The following KCNH8 variants were observed in gnomAD, a reference collection of about 807,000 sequenced individuals.
KCNH8 encodes the protein potassium voltage-gated channel subfamily H member 8, also known as voltage-gated delayed rectifier potassium channel KCNH8.
Under a neutral mutation model 103.6 loss-of-function variants are expected in KCNH8, and 70 were observed. The ratio of observed to expected loss-of-function variants is 0.68; its 90% CI spans 0.56 to 0.82. KCNH8 has a LOEUF of 0.82. KCNH8 is among the 40% of genes least tolerant of loss of function. The pLI is 0.00. For missense variants in KCNH8, 1,217 were observed against 1,329.9 expected (o/e 0.92, Z 1.32); for synonymous variants, 498 against 489.4 (o/e 1.02, Z -0.23).
At chr3:19,170,685 T>C (rs1254896608) in intron 1 of KCNH8, among the ~76,000 whole-genome samples, 1 of 145,042 alleles carries the variant, frequency 6.9e-6, no homozygotes, top group African/African-American at 2.5e-5. Flanking sequence ...CACACACACA[T>C]ATATACACAC....
intron 3 of KCNH8, among the ~76,000 whole-genome samples, chr3:19,303,413 A>G (rs1197019901): frequency 6.6e-6 from 1 of 152,164 alleles, no homozygotes; most frequent in African/African-American, 2.4e-5. Flanking sequence ...TGAGAAACCT[A>G]AATCCTAAGC....
chr3:19,317,146 A>G (rs2065284906), intron 3 of KCNH8, among the ~76,000 whole-genome samples: 1 of 151,884 alleles, frequency 6.6e-6, no homozygotes, highest in African/African-American at 2.4e-5. Flanking sequence ...ACCAAAAAGT[A>G]CTAAGGAGTT....
chr3:19,243,529 A>G (rs1162301563), intron 1 of KCNH8, among the ~76,000 whole-genome samples: 1 of 152,204 alleles, frequency 6.6e-6, no homozygotes, highest in Admixed American at 6.5e-5. Flanking sequence ...AATACAGTTC[A>G]GGAGACAGAT....
chr3:19,170,808 A>ATTTT lies in KCNH8; in HGVS notation c.76+22014_76+22015insTTTT, dbSNP rs1331802978. Among the ~76,000 whole-genome samples the ATTTT allele has an allele frequency of 4.7e-4, 47 of 100,170 alleles. 6 individuals are homozygous for ATTTT. The highest frequency in any genetic ancestry group is 2.3e-3 in the African/African-American group (45 of 19,498). The allele number at this position is 100,170 out of a possible 152,430, so 65.7% of individuals were successfully genotyped here. ...CACACACATATATATATATATATAT[A>ATTTT]TATTTTTTTTTTTTTTTTTGAGACG... On this transcript the variant is annotated intron_variant, in intron 1 of 15. Transcript: ENST00000328405.
intron 1 of KCNH8, among the ~76,000 whole-genome samples, chr3:19,217,241 T>A (rs11916028): frequency 0.093 from 14,175 of 152,170 alleles, 2,177 homozygotes; most frequent in African/African-American, 0.32. Flanking sequence ...TGGCTTAAGA[T>A]ATTTCACCTT....
chr3:19,331,811 G>T (rs1435355635), intron 3 of KCNH8, among the ~76,000 whole-genome samples: 2 of 152,092 alleles, frequency 1.3e-5, no homozygotes, highest in Non-Finnish European at 2.9e-5. Context: ...TAATCACTCT[G>T]TTGTGCTATC....
chr3:19,430,925 T>C (rs2067111839), intron 7 of KCNH8, among the ~76,000 whole-genome samples: 2 of 152,222 alleles, frequency 1.3e-5, no homozygotes, highest in Non-Finnish European at 2.9e-5. Context: ...TCATATCATC[T>C]GCAAACACAG....
intron 7 of KCNH8, among the ~76,000 whole-genome samples, chr3:19,404,759 C>CTAAT (rs531423858): frequency 6.6e-6 from 1 of 151,674 alleles, no homozygotes; most frequent in South Asian, 2.1e-4. Flanking sequence ...TGGATCTATC[C>CTAAT]TAATTAATTA....
intron 5 of KCNH8, among the ~76,000 whole-genome samples, chr3:19,353,416 C>A (rs558878595): frequency 6.6e-6 from 1 of 152,196 alleles, no homozygotes; most frequent in Non-Finnish European, 1.5e-5. Flanking sequence ...CAAAGCCTGG[C>A]AGAGACAAAA....
At chr3:19,527,068 A>G (rs2069077884) in intron 15 of KCNH8, among the ~76,000 whole-genome samples, 1 of 151,938 alleles carries the variant, frequency 6.6e-6, no homozygotes, top group African/African-American at 2.4e-5. Context: ...CACATCCTTT[A>G]TAGAGAATTT....
At chr3:19,392,323 A>AG (rs2066449848) in intron 6 of KCNH8, among the ~76,000 whole-genome samples, 1 of 150,002 alleles carries the variant, frequency 6.7e-6, no homozygotes, top group African/African-American at 2.4e-5. Context: ...TGTGTCAAAA[A>AG]AAAAAAAAAA....
chr3:19,239,052 G>A (rs2064101350), intron 1 of KCNH8, among the ~76,000 whole-genome samples: 1 of 152,086 alleles, frequency 6.6e-6, no homozygotes, highest in Admixed American at 6.5e-5. Flanking sequence ...TATAAAGACA[G>A]GAATAAATAG....
chr3:19,313,540 C>T (rs2065233234), intron 3 of KCNH8, among the ~76,000 whole-genome samples: 1 of 151,828 alleles, frequency 6.6e-6, no homozygotes, highest in Non-Finnish European at 1.5e-5. Context: ...GAACTATGAC[C>T]CTGTTTTCCA....
At chr3:19,330,998 A>G (rs1260024882) in intron 3 of KCNH8, among the ~76,000 whole-genome samples, 1 of 152,166 alleles carries the variant, frequency 6.6e-6, no homozygotes, top group Non-Finnish European at 1.5e-5. Context: ...CCAGAAAGAC[A>G]TAAATCTCCA....
chr3:19,485,535 G>A (rs544849317), intron 11 of KCNH8, among the ~76,000 whole-genome samples: 6 of 152,268 alleles, frequency 3.9e-5, no homozygotes, highest in South Asian at 2.1e-4. Flanking sequence ...TTTTGTGCAC[G>A]GCCAATACGA....
chr3:19,270,765 A>G (rs2064576901), intron 2 of KCNH8, among the ~76,000 whole-genome samples: 1 of 152,206 alleles, frequency 6.6e-6, no homozygotes, highest in African/African-American at 2.4e-5. Flanking sequence ...TTGTCTGCAT[A>G]TTCTTGGAAA....
intron 1 of KCNH8, among the ~76,000 whole-genome samples, chr3:19,163,314 C>G (rs1041164983): frequency 4.0e-5 from 6 of 149,774 alleles, no homozygotes; most frequent in African/African-American, 1.2e-4. Context: ...AATAATTTTA[C>G]TTTTTAAAAT....
chr3:19,205,218 A>G (rs1426081497), intron 1 of KCNH8, among the ~76,000 whole-genome samples: 2 of 151,996 alleles, frequency 1.3e-5, no homozygotes, highest in East Asian at 1.9e-4. Context: ...ATATATTTCA[A>G]TGGCAAAAAA....
intron 8 of KCNH8, among the ~76,000 whole-genome samples, chr3:19,441,644 T>C (rs2067286079): frequency 6.6e-6 from 1 of 152,230 alleles, no homozygotes; most frequent in Non-Finnish European, 1.5e-5. Context: ...TTAGGAGATG[T>C]TGAAGTCTAC....
Sources: gnomAD v4.1 joint callset for allele counts (sites outside exome capture counted in the v4.1 genomes callset) on GRCh38, gnomAD v4.1.1 for gene constraint, MANE v1.5 for transcripts, NCBI Gene and HGNC (gene_info 2026-07-23, HGNC 2026-07-21) for gene names.